Variants in GALNT14 observed in about 807,000 individuals in gnomAD.
The protein encoded by GALNT14 is polypeptide N-acetylgalactosaminyltransferase 14.
In GALNT14, 60 loss-of-function variants were observed where a neutral mutation model predicts 77.5. The observed-to-expected ratio is 0.77, with a 90% CI of 0.63 to 0.96. The LOEUF is 0.96. Among genes scored for constraint, GALNT14 ranks in the 40% least tolerant of loss-of-function variants. The pLI is 0.00. For missense variants in GALNT14, 710 were observed against 731.0 expected (o/e 0.97, Z 0.33); for synonymous variants, 280 against 281.7 (o/e 0.99, Z 0.06).
rs879729806 is a variant in GALNT14 at position 31,115,261 on chromosome 2, C to CA, written c.129+22696dup. On this transcript the variant is annotated intron_variant, in intron 1 of 14. Transcript: ENST00000349752. ...GCAAGACCCTGTTTCAAAAAAATTA[C>CA]AAAAAAAAAAATAATCCCAAACGAA... Among the ~76,000 whole-genome samples the CA allele has an allele frequency of 6.5e-3, 937 of 144,024 alleles. 8 individuals carry two copies. Among genetic ancestry groups the CA allele is most frequent in the African/African-American group, 0.014 (561 of 39,372 alleles). 94.5% of individuals were successfully genotyped at this position (144,024 alleles called of 152,430 possible).
rs141215821 is a variant in GALNT14, at chr2:31,063,795, G to A, written c.130-70788C>T. 1.6e-4 allele frequency among the ~76,000 whole-genome samples: 24 copies of A among 152,166 alleles called. No individual in the cohort carries two copies. The East Asian group carries it at 4.6e-3, about 29-fold the overall frequency. On this transcript the variant is annotated intron_variant, in intron 1 of 14. Coordinates refer to ENST00000349752, the MANE Select transcript of GALNT14 (RefSeq NM_024572.4). The stretch of plus-strand genomic sequence containing the variant: ...TAATGTCCCTTGTAAGTTGTATTCC[G>A]AGGTATTCTATTCTCTTTGTAGCAA...
chr2:30,970,491 A>C (rs1006966813), intron 2 of GALNT14, among the ~76,000 whole-genome samples: 1 of 152,138 alleles, frequency 6.6e-6, no homozygotes, highest in Non-Finnish European at 1.5e-5. Flanking sequence ...TGCTATCATC[A>C]CGCCCAGAGA....
chr2:30,937,063 G>C (rs1156251773), intron 9 of GALNT14, among the ~76,000 whole-genome samples: 1 of 152,176 alleles, frequency 6.6e-6, no homozygotes, highest in East Asian at 1.9e-4. Context: ...TCTCCATCTG[G>C]GGGAAAAGCT....
chr2:31,034,735 G>A (rs1672607164), intron 1 of GALNT14, among the ~76,000 whole-genome samples: 1 of 152,116 alleles, frequency 6.6e-6, no homozygotes, highest in Non-Finnish European at 1.5e-5. Flanking sequence ...ATAGCCTTAA[G>A]TTTCCCTTTA....
chr2:31,129,790 C>A (rs60157549), intron 1 of GALNT14: 18,446 of 409,418 alleles, frequency 0.045, 731 homozygotes, highest in African/African-American at 0.14. Flanking sequence ...AAATCTTCAG[C>A]CCAGACAACT....
At chr2:30,915,976 G>C (rs1664655412) in intron 13 of GALNT14, among the ~76,000 whole-genome samples, 1 of 152,146 alleles carries the variant, frequency 6.6e-6, no homozygotes, top group African/African-American at 2.4e-5. Context: ...GATTAAACAA[G>C]TTTTATCAGG....
chr2:30,981,816 A>C (rs192858647), intron 2 of GALNT14, among the ~76,000 whole-genome samples: 4 of 152,330 alleles, frequency 2.6e-5, no homozygotes, highest in Admixed American at 2.6e-4. Context: ...TCTCTGGCTT[A>C]CTTCTCTCAT....
At chr2:30,926,768 A>C (rs759133181) in intron 11 of GALNT14, among the ~76,000 whole-genome samples, 1 of 151,926 alleles carries the variant, frequency 6.6e-6, no homozygotes, top group Non-Finnish European at 1.5e-5. Flanking sequence ...GAGAAGACTC[A>C]TGCTGATGGG....
chr2:30,922,821 C>G (rs910284950), intron 13 of GALNT14, among the ~76,000 whole-genome samples: 1 of 152,198 alleles, frequency 6.6e-6, no homozygotes, highest in Admixed American at 6.5e-5. Context: ...ATCTCTGCAT[C>G]TTCATAGTTA....
intron 3 of GALNT14, among the ~76,000 whole-genome samples, chr2:30,962,601 C>T (rs1311490676): frequency 1.3e-5 from 2 of 152,166 alleles, no homozygotes; most frequent in Non-Finnish European, 2.9e-5. Context: ...GTGAGAATGT[C>T]CCCTAATTCA....
intron 13 of GALNT14, among the ~76,000 whole-genome samples, chr2:30,915,662 C>G (rs1189729506): frequency 6.6e-6 from 1 of 152,200 alleles, no homozygotes; most frequent in Non-Finnish European, 1.5e-5. Context: ...CTCAGCAGGT[C>G]TGGCCTGGAT....
chr2:30,926,350 C>T (rs113695123), intron 11 of GALNT14, among the ~76,000 whole-genome samples: 6 of 152,118 alleles, frequency 3.9e-5, no homozygotes, highest in African/African-American at 9.6e-5. Context: ...ACAGGTGCAA[C>T]GAAAACTCTT....
chr2:31,040,223 T>C (rs1673018157), intron 1 of GALNT14, among the ~76,000 whole-genome samples: 2 of 152,234 alleles, frequency 1.3e-5, no homozygotes, highest in African/African-American at 4.8e-5. Flanking sequence ...TTTGGGGTTT[T>C]TTTGTTCTTG....
intron 1 of GALNT14, among the ~76,000 whole-genome samples, chr2:31,134,756 G>A (rs1324663155): frequency 6.6e-6 from 1 of 152,200 alleles, no homozygotes; most frequent in Non-Finnish European, 1.5e-5. Flanking sequence ...TGGGAAGCGG[G>A]TGGGGAATTC....
chr2:30,950,214 A>C (rs1666945525), intron 6 of GALNT14, among the ~76,000 whole-genome samples: 1 of 152,146 alleles, frequency 6.6e-6, no homozygotes, highest in Non-Finnish European at 1.5e-5. Flanking sequence ...GAGTTTCTTA[A>C]AATCTTTTTT....
chr2:31,070,284 C>T (rs939731730), intron 1 of GALNT14, among the ~76,000 whole-genome samples: 2 of 152,198 alleles, frequency 1.3e-5, no homozygotes, highest in African/African-American at 2.4e-5. Flanking sequence ...AGCCCATAAA[C>T]ATAAGAGATC....
chr2:31,103,159 T>C (rs1191952656), intron 1 of GALNT14, among the ~76,000 whole-genome samples: 2 of 129,052 alleles, frequency 1.5e-5, no homozygotes, highest in Non-Finnish European at 3.2e-5. Flanking sequence ...TTTTATATTA[T>C]GTCTTCTGGG....
chr2:31,100,221 A>C (rs1057498252), intron 1 of GALNT14, among the ~76,000 whole-genome samples: 2 of 152,070 alleles, frequency 1.3e-5, no homozygotes, highest in Non-Finnish European at 2.9e-5. Flanking sequence ...AATGATGTAC[A>C]ATAAGTCCTT....
intron 1 of GALNT14, among the ~76,000 whole-genome samples, chr2:31,073,673 G>A (rs1437088055): frequency 6.6e-6 from 1 of 152,132 alleles, no homozygotes; most frequent in African/African-American, 2.4e-5. Flanking sequence ...AGGTCAGGGT[G>A]GCAGGGAAGG....
Sources: allele counts gnomAD v4.1 joint callset (sites outside exome capture counted in the v4.1 genomes callset), GRCh38; gene constraint gnomAD v4.1.1; transcripts MANE v1.5; gene names NCBI Gene and HGNC (gene_info 2026-07-23, HGNC 2026-07-21).